The following SDCCAG8 variants were observed in gnomAD, a reference collection of about 807,000 sequenced individuals.
SDCCAG8 encodes SHH signaling and ciliogenesis regulator SDCCAG8.
A neutral mutation model predicts 101.8 loss-of-function variants in SDCCAG8; 74 were observed. That is an observed-to-expected ratio of 0.73 (90% CI 0.60 to 0.88). The LOEUF (loss-of-function observed/expected upper bound fraction) is 0.88, where lower values mean the gene tolerates loss of function less well. SDCCAG8 is among the 40% of genes least tolerant of loss of function. The probability of loss-of-function intolerance (pLI) is 0.00; values close to 1 mark genes in which losing one functional copy is unlikely to be tolerated. For synonymous variants in SDCCAG8, 281 were observed against 292.9 expected (o/e 0.96, Z 0.41); for missense variants, 787 against 822.6 (o/e 0.96, Z 0.53).
intron 12 of SDCCAG8, among the ~76,000 whole-genome samples, chr1:243,363,393 G>A (rs1290474909): frequency 6.6e-6 from 1 of 152,168 alleles, no homozygotes; most frequent in South Asian, 2.1e-4. Context: ...TGAGGAAATC[G>A]GGCATGGATG....
chr1:243,317,118 T>C (rs1238185398), intron 9 of SDCCAG8, among the ~76,000 whole-genome samples: 1 of 152,188 alleles, frequency 6.6e-6, no homozygotes, highest in Non-Finnish European at 1.5e-5. Context: ...GAGAATGTAG[T>C]ACAGTATAAT....
intron 13 of SDCCAG8, among the ~76,000 whole-genome samples, chr1:243,387,752 G>A (rs542745444): frequency 6.6e-6 from 1 of 152,304 alleles, no homozygotes; most frequent in South Asian, 2.1e-4. Context: ...GTCTTGCTCT[G>A]TTGCCCAGCC....
chr1:243,400,950 C>A (rs2079355209), intron 13 of SDCCAG8, among the ~76,000 whole-genome samples: 2 of 152,096 alleles, frequency 1.3e-5, no homozygotes, highest in African/African-American at 4.8e-5. Context: ...TGTATTCTTT[C>A]CTGTGTTAGG....
intron 8 of SDCCAG8, among the ~76,000 whole-genome samples, chr1:243,313,341 T>G (rs2072932794): frequency 6.6e-6 from 1 of 152,324 alleles, no homozygotes; most frequent in East Asian, 1.9e-4. Flanking sequence ...ACTCCACATT[T>G]CAAGGTGGAG....
chr1:243,362,847 T>G (rs1334840782), intron 12 of SDCCAG8, among the ~76,000 whole-genome samples: 1 of 152,248 alleles, frequency 6.6e-6, no homozygotes, highest in East Asian at 1.9e-4. Context: ...CAAATATGTC[T>G]CATTGTAAAT....
At chr1:243,492,449 C>G (rs1433774185) in intron 17 of SDCCAG8, among the ~76,000 whole-genome samples, 3 of 151,210 alleles carry the variant, frequency 2.0e-5, no homozygotes, top group Admixed American at 2.0e-4. Flanking sequence ...TTACAGGCAC[C>G]CACCACCACA....
chr1:243,326,450 A>G (rs2074154553), intron 9 of SDCCAG8, among the ~76,000 whole-genome samples: 2 of 152,226 alleles, frequency 1.3e-5, no homozygotes, highest in African/African-American at 4.8e-5. Context: ...AAAAGCATTG[A>G]CTATTTGGTT....
chr1:243,449,561 A>G (rs764932509), intron 16 of SDCCAG8, among the ~76,000 whole-genome samples: 11 of 152,200 alleles, frequency 7.2e-5, no homozygotes, highest in Non-Finnish European at 1.6e-4. Flanking sequence ...GAAACACATT[A>G]TCATTTCTTG....
At chr1:243,367,886 G>A (rs1053041075) in intron 12 of SDCCAG8, among the ~76,000 whole-genome samples, 7 of 151,714 alleles carry the variant, frequency 4.6e-5, no homozygotes, top group African/African-American at 1.2e-4. Flanking sequence ...AAATTGGAAT[G>A]TCAAGTACAT....
Position 243,434,319 on chromosome 1 carries a change from G to C in SDCCAG8, c.1985+7761G>C, listed in dbSNP as rs1006505012. ...CTCAGCAATTTGCTGTAGAGAGGCA[G>C]TCCTTTGATTTGCTCCTTGCAAATG... On this transcript the variant is annotated intron_variant, in intron 16 of 17. Transcript: ENST00000366541. 5.3e-5 allele frequency among the ~76,000 whole-genome samples: 8 copies of C among 152,362 alleles called. No homozygotes were observed. In the South Asian group the frequency reaches 1.7e-3, roughly 32 times the overall value.
chr1:243,485,189 G>C (rs1370451556), intron 16 of SDCCAG8, among the ~76,000 whole-genome samples: 2 of 152,166 alleles, frequency 1.3e-5, no homozygotes, highest in Non-Finnish European at 2.9e-5. Context: ...GAGCTTTACC[G>C]ATTACTTGTG....
At chr1:243,371,297 T>C (rs1407922734) in intron 12 of SDCCAG8, among the ~76,000 whole-genome samples, 1 of 152,112 alleles carries the variant, frequency 6.6e-6, no homozygotes, top group Non-Finnish European at 1.5e-5. Flanking sequence ...TATGGTGTAG[T>C]AGAAAGATTA....
At chr1:243,299,263 C>T (rs1482424864) in intron 6 of SDCCAG8, among the ~76,000 whole-genome samples, 4 of 152,152 alleles carry the variant, frequency 2.6e-5, no homozygotes, top group Non-Finnish European at 5.9e-5. Flanking sequence ...TTCAATGTCA[C>T]TTTCTTTTGA....
chr1:243,317,922 C>T (rs2073404792), intron 9 of SDCCAG8: 1 of 395,044 alleles, frequency 2.5e-6, no homozygotes, highest in African/African-American at 2.1e-5. Context: ...TGGTCTAAAC[C>T]ATATATGAAT....
chr1:243,390,578 C>T (rs2078640768), intron 13 of SDCCAG8, among the ~76,000 whole-genome samples: 1 of 152,224 alleles, frequency 6.6e-6, no homozygotes, highest in Non-Finnish European at 1.5e-5. Flanking sequence ...TTCCCTGGCT[C>T]GCTCCTCTCA....
chr1:243,418,740 C>T (rs778612930), intron 15 of SDCCAG8, among the ~76,000 whole-genome samples: 4 of 152,148 alleles, frequency 2.6e-5, no homozygotes, highest in Non-Finnish European at 5.9e-5. Context: ...CCGACAGTAA[C>T]TGAATAATCT....
At chr1:243,334,095 A>C (rs1298849855) in intron 10 of SDCCAG8, among the ~76,000 whole-genome samples, 1 of 151,890 alleles carries the variant, frequency 6.6e-6, no homozygotes, top group East Asian at 1.9e-4. Flanking sequence ...CGTCTTTCTC[A>C]CCCCACACAT....
At chr1:243,337,399 G>C (rs191797139) in intron 10 of SDCCAG8, among the ~76,000 whole-genome samples, 44 of 152,246 alleles carry the variant, frequency 2.9e-4, no homozygotes, top group African/African-American at 1.1e-3. Context: ...TTTGTCCCTA[G>C]TAAGCCCTGG....
intron 17 of SDCCAG8, among the ~76,000 whole-genome samples, chr1:243,496,119 G>A (rs927486221): frequency 1.3e-5 from 2 of 152,226 alleles, no homozygotes; most frequent in African/African-American, 4.8e-5. Flanking sequence ...GGGCTTGAAA[G>A]GGCCATTTGA....
Sources: gnomAD v4.1 joint callset for allele counts (sites outside exome capture counted in the v4.1 genomes callset) on GRCh38, gnomAD v4.1.1 for gene constraint, MANE v1.5 for transcripts, NCBI Gene and HGNC (gene_info 2026-07-23, HGNC 2026-07-21) for gene names.